LRRC9: variants seen among roughly 807,000 people sequenced by gnomAD.
LRRC9 encodes the protein leucine rich repeat containing 9, also known as leucine-rich repeat-containing protein 9.
Under a neutral mutation model 63.2 loss-of-function variants are expected in LRRC9, and 122 were observed. The ratio of observed to expected loss-of-function variants is 1.93; its 90% CI spans 1.67 to 2.24. LRRC9 has a LOEUF of 2.24. Among genes scored for constraint, LRRC9 ranks in the 30% most tolerant of loss-of-function variants. The pLI is 0.00. For missense variants in LRRC9, 1,071 were observed against 627.7 expected, an observed-to-expected ratio of 1.71 and a Z score of -7.55; for synonymous variants, 366 against 213.1, an observed-to-expected ratio of 1.72 and a Z score of -6.25.
At position 59,981,836 on chromosome 14, in the gene LRRC9, T is replaced by C. The variant is rs1886959624; in HGVS notation, c.1879-12T>C. On this transcript the variant is annotated splice_polypyrimidine_tract_variant and intron_variant, in intron 15 of 31. Coordinates refer to ENST00000445360, the Ensembl canonical transcript of LRRC9. ...GCAACTGATTTTGCAATGTTTTTAATACATTTTTTAGGTCAAGGCACCCTC... is the reference window on the plus strand; with the variant it reads ...GCAACTGATTTTGCAATGTTTTTAACACATTTTTTAGGTCAAGGCACCCTC... 1.6e-5 allele frequency: 11 copies of C among 680,142 alleles called. No homozygotes were observed. In the East Asian group the frequency reaches 3.0e-4, roughly 18 times the overall value. The allele number at this position is 680,142 out of a possible 1,614,324, so 42.1% of individuals were successfully genotyped here. A position where few individuals can be genotyped will look rare whatever the true frequency, so the allele number is the denominator to read the frequency against.
At chr14:60,013,227 T>C (rs1374191177) in intron 23 of LRRC9, among the ~76,000 whole-genome samples, 3 of 151,830 alleles carry the variant, frequency 2.0e-5, no homozygotes, top group Non-Finnish European at 2.9e-5. Flanking sequence ...TGTCTATATA[T>C]AGAAATATAG....
chr14:60,063,542 C>A (rs900605668), exon 32 of LRRC9: 7 of 498,172 alleles, frequency 1.4e-5, no homozygotes, highest in Admixed American at 1.1e-4. Context: ...GATTTAATAT[C>A]ACCTCTCTTA....
At chr14:59,998,968 G>T in intron 18 of LRRC9, 133 bp from the exon 19 acceptor site, 1 of 450,022 alleles carries the variant, frequency 2.2e-6, no homozygotes, top group South Asian at 5.1e-5. Context: ...AAATAATTAA[G>T]CTTTTTTTAG....
At chr14:60,021,101 T>G (rs1891084181) in intron 26 of LRRC9, among the ~76,000 whole-genome samples, 1 of 151,924 alleles carries the variant, frequency 6.6e-6, no homozygotes, top group Non-Finnish European at 1.5e-5. Flanking sequence ...CCATTTTTCA[T>G]TATCACCAGT....
chr14:59,991,777 CCGCCAT>C (rs1888143136), intron 17 of LRRC9, among the ~76,000 whole-genome samples: 2 of 101,760 alleles, frequency 2.0e-5, no homozygotes, highest in African/African-American at 2.9e-5. Context: ...GGAGGGGTGC[CCGCCAT>C]TGCCCAGGCT....
At chr14:60,045,257 T>C (rs1425185295) in intron 29 of LRRC9, among the ~76,000 whole-genome samples, 2 of 152,052 alleles carry the variant, frequency 1.3e-5, no homozygotes, top group African/African-American at 2.4e-5. Context: ...TCTTTCTTTT[T>C]TAAAAAAAAA....
At chr14:60,038,557 G>C (rs1371207722) in intron 29 of LRRC9, among the ~76,000 whole-genome samples, 1 of 152,048 alleles carries the variant, frequency 6.6e-6, no homozygotes, top group Admixed American at 6.6e-5. Context: ...TCACAATTTG[G>C]CTCTCTGTTT....
At chr14:59,940,563 A>T (rs1881655399) in intron 7 of LRRC9, among the ~76,000 whole-genome samples, 1 of 152,106 alleles carries the variant, frequency 6.6e-6, no homozygotes, top group Non-Finnish European at 1.5e-5. Context: ...GAAGACTTGG[A>T]TTCAAGCCCC....
chr14:59,922,785 C>A lies in LRRC9; in HGVS notation c.-34+2902C>A, dbSNP rs1246982535. Among the ~76,000 whole-genome samples the A allele has an allele frequency of 1.3e-5, 2 of 152,170 alleles. No homozygotes were observed. The highest frequency in any genetic ancestry group is 2.9e-5 in the Non-Finnish European group (2 of 68,040). On this transcript the variant is annotated intron_variant, in intron 1 of 31. Coordinates refer to ENST00000445360, the Ensembl canonical transcript of LRRC9. This position sits in a 1 kb window ranked among gnomAD's most constrained non-coding sequence, Gnocchi z 5.3. ...TGGTGAAAGTTTAGAATAGTAATGT[C>A]ATGAATCTCGAGTCTCTAGTCCCAC...
rs1324473896 is a variant in LRRC9, at chr14:59,958,857, G to GGGGA, written c.883-954_883-951dup. On this transcript the variant is annotated intron_variant, in intron 8 of 31. Coordinates refer to ENST00000445360, the Ensembl canonical transcript of LRRC9. This position sits in a 1 kb window ranked among gnomAD's most constrained non-coding sequence, Gnocchi z 4.0. Reference sequence around the variant, plus strand: ...AGTCCCTCACAGCTTACCTTGGCTGGGGGAGGGAGGTCCCTGCTCCTTGCA... The same window carrying GGGGA: ...AGTCCCTCACAGCTTACCTTGGCTGGGGGAGGGAGGGAGGTCCCTGCTCCTTGCA... Among the ~76,000 whole-genome samples the GGGGA allele has an allele frequency of 6.6e-6, 1 of 152,170 alleles. No individual in the cohort carries two copies. Among genetic ancestry groups the GGGGA allele is most frequent in the African/African-American group, 2.4e-5 (1 of 41,432 alleles).
Position 59,986,288 on chromosome 14 carries a change from TC to T in LRRC9, c.2211+1066del, listed in dbSNP as rs1435483219. Among the ~76,000 whole-genome samples, 1 of 152,206 alleles carries T rather than the reference TC, an allele frequency of 6.6e-6. No homozygotes were observed. Among genetic ancestry groups the T allele is most frequent in the African/African-American group, 2.4e-5 (1 of 41,458 alleles). On this transcript the variant is annotated intron_variant, in intron 17 of 31. Coordinates refer to ENST00000445360, the Ensembl canonical transcript of LRRC9. This position sits in a 1 kb window ranked among gnomAD's most constrained non-coding sequence, Gnocchi z 4.7. ...CCCAGCATCTCCTGTTTACATGGGTTCCAGGTCACTCACTTATCTCTTCAGA... is the reference window on the plus strand; with the variant it reads ...CCCAGCATCTCCTGTTTACATGGGTTCAGGTCACTCACTTATCTCTTCAGA...
rs35418614 is a variant in LRRC9, at chr14:59,965,362, C to T, written c.1212-1227C>T. The stretch of plus-strand genomic sequence containing the variant: ...CCTTTGCATTCCTTACCCCAAGCTT[C>T]TCTTCAGAGCCTTTTTCAGTTTAGA... On this transcript the variant is annotated intron_variant, in intron 10 of 31. Coordinates refer to ENST00000445360, the Ensembl canonical transcript of LRRC9. 6.3e-3 allele frequency among the ~76,000 whole-genome samples: 964 copies of T among 152,340 alleles called. 5 individuals carry two copies. The highest frequency in any genetic ancestry group is 0.01 in the Non-Finnish European group (712 of 68,032).
intron 27 of LRRC9, among the ~76,000 whole-genome samples, chr14:60,023,841 C>G (rs1008259711): frequency 4.3e-4 from 66 of 152,080 alleles, no homozygotes; most frequent in African/African-American, 1.6e-3. Context: ...GTTCCCCTCC[C>G]TGTGTCCATG....
chr14:60,063,333 A>T, exon 32 of LRRC9: 1 of 701,784 alleles, frequency 1.4e-6, no homozygotes. Flanking sequence ...AATTTTTGGG[A>T]GCAACTTTCC....
chr14:60,066,053 T>G (rs751082715), downstream of LRRC9, among the ~76,000 whole-genome samples: 1 of 152,114 alleles, frequency 6.6e-6, no homozygotes, highest in African/African-American at 2.4e-5. Context: ...CCTGGCTTCA[T>G]GTAATCCTCC....
chr14:59,988,746 T>A (rs1360998705), intron 17 of LRRC9, among the ~76,000 whole-genome samples: 2 of 152,166 alleles, frequency 1.3e-5, no homozygotes, highest in African/African-American at 4.8e-5. Context: ...AATTCATTGG[T>A]AATTGTATAT....
At chr14:60,015,533 T>G (rs1890606615) in intron 23 of LRRC9, among the ~76,000 whole-genome samples, 1 of 152,166 alleles carries the variant, frequency 6.6e-6, no homozygotes, top group Non-Finnish European at 1.5e-5. Flanking sequence ...TGTTCTTCAT[T>G]AACTGCTAGG....
chr14:60,024,349 G>C (rs1323911412), intron 27 of LRRC9, among the ~76,000 whole-genome samples: 2 of 152,004 alleles, frequency 1.3e-5, no homozygotes, highest in Non-Finnish European at 2.9e-5. Flanking sequence ...AAGCCAAGCA[G>C]AGAAATTTGT....
rs201425525 is a variant in LRRC9 at position 60,025,088 on chromosome 14, T to G, written c.3703+2218T>G. On this transcript the variant is annotated intron_variant, in intron 27 of 31. Coordinates refer to ENST00000445360, the Ensembl canonical transcript of LRRC9. ...TTTTTGGTTTTTTTTTTATTTTTTA[T>G]TTTATTATTTATTATTTTTTGAGAA... Among the ~76,000 whole-genome samples the G allele has an allele frequency of 9.2e-5, 14 of 151,478 alleles. No individual in the cohort carries two copies. In the East Asian group the frequency reaches 2.7e-3, roughly 29 times the overall value.
Sources: allele counts gnomAD v4.1 joint callset (sites outside exome capture counted in the v4.1 genomes callset), GRCh38; gene constraint gnomAD v4.1.1; non-coding constraint Gnocchi (gnomAD v3.1); transcripts MANE v1.5; gene names NCBI Gene and HGNC (gene_info 2026-07-23, HGNC 2026-07-21).